The following LRP8 variants were observed in gnomAD, a reference collection of about 807,000 sequenced individuals.
The protein encoded by LRP8 is low-density lipoprotein receptor-related protein 8.
LRP8 carries 46 observed loss-of-function variants against 111.6 expected under a neutral mutation model. The ratio of observed to expected loss-of-function variants is 0.41; its 90% CI spans 0.33 to 0.53. LRP8 has a LOEUF of 0.53. LRP8 is among the 20% of genes least tolerant of loss of function. The pLI, the probability that LRP8 is intolerant of heterozygous loss-of-function variation, is 0.20. For synonymous variants in LRP8, 464 were observed against 511.2 expected (o/e 0.91, Z 1.24); for missense variants, 959 against 1,297.4 (o/e 0.74, Z 4.01).
chr1:53,243,465 T>C lies in LRP8; in HGVS notation c.*3553A>G, dbSNP rs557944898. 3.9e-5 allele frequency: 6 copies of C among 152,352 alleles called. No homozygotes were observed. The East Asian group carries it at 1.2e-3, about 29-fold the overall frequency. The allele number at this position is 152,352 out of a possible 1,614,324, so 9.4% of individuals were successfully genotyped here. ...CACTGGAAAGCTTGAGGCTGAATAA[T>C]ATCAGTTCTGCAAAGTGCTGGCAAT... On this transcript the variant is annotated 3_prime_UTR_variant, in exon 19 of 19. Coordinates refer to ENST00000306052, the MANE Select transcript of LRP8 (RefSeq NM_004631.5).
chr1:53,276,664 G>T (rs1470061364), intron 5 of LRP8, 28 bp downstream of exon 5: 2 of 1,492,450 alleles, frequency 1.3e-6, no homozygotes, highest in Non-Finnish European at 1.8e-6. Flanking sequence ...ATCCCTGGGC[G>T]GGGCTGGGCG....
chr1:53,281,867 ACT>A (rs1348956749), intron 3 of LRP8, among the ~76,000 whole-genome samples: 2 of 152,142 alleles, frequency 1.3e-5, no homozygotes, highest in African/African-American at 2.4e-5. Flanking sequence ...ATACCAGATG[ACT>A]CTGAATTTTG....
rs1646369984 is a variant in LRP8, at chr1:53,262,316, T to A, written c.1775-109A>T. On this transcript the variant is annotated intron_variant, in intron 11 of 18. Transcript: ENST00000306052. This position sits in a 1 kb window ranked among gnomAD's most constrained non-coding sequence, Gnocchi z 4.8. ...TCTAGGCCTCACACTGAGGCCAGCCTACGGCAACCATTAGGAAACAAAGTC... is the reference window on the plus strand; with the variant it reads ...TCTAGGCCTCACACTGAGGCCAGCCAACGGCAACCATTAGGAAACAAAGTC... 3.9e-6 allele frequency: 6 copies of A among 1,532,624 alleles called. No homozygotes were observed. In the South Asian group the frequency reaches 4.6e-5, roughly 12 times the overall value. 94.9% of individuals were successfully genotyped at this position (1,532,624 alleles called of 1,614,324 possible).
Position 53,266,384 on chromosome 1 carries a change from A to T in LRP8, c.1427+89T>A. The T allele has an allele frequency of 7.3e-7, 1 of 1,372,344 alleles. No homozygotes were observed. The highest frequency in any genetic ancestry group is 1.0e-6 in the Non-Finnish European group (1 of 979,000). 85.0% of individuals were successfully genotyped at this position (1,372,344 alleles called of 1,614,324 possible). ...TCCCAACTCTGTCCTGAGGAGCTCTAGAGGCAGACACCACTCCTCCCCTCC... is the reference window on the plus strand; with the variant it reads ...TCCCAACTCTGTCCTGAGGAGCTCTTGAGGCAGACACCACTCCTCCCCTCC... On this transcript the variant is annotated intron_variant, in intron 9 of 18. Transcript: ENST00000306052. This position sits in a 1 kb window ranked among gnomAD's most constrained non-coding sequence, Gnocchi z 5.0.
Position 53,258,323 on chromosome 1 carries a change from G to A in LRP8, c.2205C>T (p.Tyr735=). The change falls in exon 14 of 19, where the codon TAC becomes TAT. Residue 735 remains tyrosine (Y), a synonymous_variant. Transcript: ENST00000306052. ...CCTCCTGGAAGGTCTGCTTACCTCG[G>A]TAGCACCTCTTCATGTCTGGACCCA... ...MWLGPDMKRC[Y]RAPQSTSTTT... is the part of the protein sequence containing the mutation. 1 of 1,613,724 alleles carries A rather than the reference G, an allele frequency of 6.2e-7. No individual in the cohort carries two copies. Among genetic ancestry groups the A allele is most frequent in the Non-Finnish European group, 8.5e-7 (1 of 1,179,800 alleles).
At chr1:53,286,399 A>G (rs898220172) in intron 3 of LRP8, among the ~76,000 whole-genome samples, 5 of 152,220 alleles carry the variant, frequency 3.3e-5, no homozygotes, top group Non-Finnish European at 5.9e-5. Context: ...CCCCCCTCCC[A>G]GGTGGAAAGG....
intron 2 of LRP8, among the ~76,000 whole-genome samples, chr1:53,311,310 T>C (rs1331284414): frequency 6.6e-6 from 1 of 152,056 alleles, no homozygotes; most frequent in Non-Finnish European, 1.5e-5. Flanking sequence ...GACAGGGGCA[T>C]GGGCACGGCC....
At position 53,276,832 on chromosome 1, in the gene LRP8, G is replaced by C; in HGVS notation, c.743C>G (p.Pro248Arg). 1 of 1,274,188 alleles carries C rather than the reference G, an allele frequency of 7.8e-7. No homozygotes were observed. The highest frequency in any genetic ancestry group is 9.9e-7 in the Non-Finnish European group (1 of 1,007,956). 78.9% of individuals were successfully genotyped at this position (1,274,188 alleles called of 1,614,324 possible). ...GGGCGCGGACGTGGCCCCGGGGCCC[G>C]GACGGCCGCAGAGCTCGGCTGCCTC... ...SDEAAELCGR[P>R]GPGATSAPAA... The change falls in exon 5 of 19, where the codon CCG (proline) becomes CGG (arginine). Residue 248 changes from proline (P) to arginine (R), a missense_variant. Coordinates refer to ENST00000306052, the MANE Select transcript of LRP8 (RefSeq NM_004631.5).
chr1:53,295,426 C>T (rs1209270217), intron 2 of LRP8, among the ~76,000 whole-genome samples: 1 of 152,184 alleles, frequency 6.6e-6, no homozygotes, highest in Non-Finnish European at 1.5e-5. Flanking sequence ...AGCTGCCCTG[C>T]AGAGGCCCAG....
In LRP8 at chr1:53,289,392, C is replaced by G. The variant is rs533100621; in HGVS notation, c.367+175G>C. ...CCTACAAGAGGGCTGTGAAGAAAGT[C>G]CAGAAACAGGTCAGTAGAAACCAGC... On this transcript the variant is annotated intron_variant, in intron 3 of 18. Transcript: ENST00000306052. The G allele has an allele frequency of 5.0e-5, 43 of 857,300 alleles. 1 individual carries two copies. The East Asian group carries it at 1.2e-3, about 25-fold the overall frequency. The allele number at this position is 857,300 out of a possible 1,614,324, so 53.1% of individuals were successfully genotyped here.
At chr1:53,313,949 G>A (rs1653438692) in intron 2 of LRP8, among the ~76,000 whole-genome samples, 1 of 152,202 alleles carries the variant, frequency 6.6e-6, no homozygotes, top group African/African-American at 2.4e-5. Context: ...TGAGATCCAG[G>A]AAGGGCATGG....
chr1:53,275,603 A>G lies in LRP8; in HGVS notation c.1006+28T>C, dbSNP rs1646892494. ...AGAGCCTAGGGCATCCTCACAGAGG[A>G]TGTGTTCTGTGCCCTGACCACACGC... On this transcript the variant is annotated intron_variant, in intron 6 of 18. Transcript: ENST00000306052. This position sits in a 1 kb window ranked among gnomAD's most constrained non-coding sequence, Gnocchi z 4.4. 6.2e-7 allele frequency: 1 copy of G among 1,613,016 alleles called. No individual in the cohort carries two copies. Among genetic ancestry groups the G allele is most frequent in the Non-Finnish European group, 8.5e-7 (1 of 1,179,374 alleles).
chr1:53,263,666 G>C (rs1166416309), intron 10 of LRP8, among the ~76,000 whole-genome samples: 1 of 152,152 alleles, frequency 6.6e-6, no homozygotes, highest in Non-Finnish European at 1.5e-5. Context: ...AATCTTGCTG[G>C]CTCTCTCACA....
intron 3 of LRP8, among the ~76,000 whole-genome samples, chr1:53,288,855 G>T (rs116108171): frequency 5.3e-5 from 8 of 152,290 alleles, no homozygotes; most frequent in African/African-American, 1.9e-4. Context: ...ATGACCTGCC[G>T]GGTGTAAGTT....
chr1:53,298,719 C>G (rs1327227920), intron 2 of LRP8, among the ~76,000 whole-genome samples: 1 of 152,202 alleles, frequency 6.6e-6, no homozygotes, highest in African/African-American at 2.4e-5. Context: ...CCTCCTCTGA[C>G]CAGGGCACCT....
intron 6 of LRP8, chr1:53,274,772 C>T (rs778616618): frequency 2.0e-5 from 9 of 456,204 alleles, no homozygotes; most frequent in African/African-American, 6.0e-5. Context: ...GCCGTCCACG[C>T]GCTTGCCACT....
intron 3 of LRP8, among the ~76,000 whole-genome samples, chr1:53,282,252 G>A (rs887592541): frequency 3.9e-5 from 6 of 152,164 alleles, no homozygotes; most frequent in Admixed American, 2.0e-4. Flanking sequence ...GGTCCCCAAC[G>A]TTATCCCTAG....
intron 5 of LRP8, 114 bp downstream of exon 5, chr1:53,276,578 C>G (rs563462981): frequency 3.7e-6 from 3 of 819,888 alleles, no homozygotes; most frequent in African/African-American, 1.9e-5. Flanking sequence ...CTGTAGTAAA[C>G]CCGGGTAATG....
intron 15 of LRP8, 38 bp downstream of exon 15, chr1:53,257,202 T>G (rs750035240): frequency 3.7e-6 from 6 of 1,602,436 alleles, no homozygotes; most frequent in Non-Finnish European, 3.4e-6. Flanking sequence ...CTAGGAGCCC[T>G]CCCATGTCAT....
Sources: gnomAD v4.1 joint callset for allele counts (sites outside exome capture counted in the v4.1 genomes callset) on GRCh38, gnomAD v4.1.1 for gene constraint, Gnocchi (gnomAD v3.1) non-coding constraint, MANE v1.5 for transcripts, NCBI Gene and HGNC (gene_info 2026-07-23, HGNC 2026-07-21) for gene names.